Variants in TDRD9 observed in about 807,000 individuals in gnomAD.
The protein encoded by TDRD9 is ATP-dependent RNA helicase TDRD9.
In TDRD9, 124 loss-of-function variants were observed where a neutral mutation model predicts 172.6. The observed-to-expected ratio is 0.72, with a 90% confidence interval of 0.62 to 0.83. TDRD9 has a LOEUF of 0.83. Among genes scored for constraint, TDRD9 ranks in the 40% least tolerant of loss-of-function variants. The pLI is 0.00. For synonymous variants in TDRD9, 619 were observed against 617.1 expected (o/e 1.00, Z -0.05); for missense variants, 1,479 against 1,714.1 (o/e 0.86, Z 2.42).
intron 7 of TDRD9, 114 bp from the exon 8 acceptor site, chr14:103,986,103 T>C (rs1289981870): frequency 6.7e-6 from 5 of 750,118 alleles, no homozygotes; most frequent in East Asian, 2.7e-5. Context: ...AGAACTTTTA[T>C]TTAGAGAGTT....
intron 2 of TDRD9, among the ~76,000 whole-genome samples, chr14:103,959,532 A>G (rs530453804): frequency 3.3e-5 from 5 of 150,964 alleles, no homozygotes; most frequent in East Asian, 2.0e-4. Context: ...TTCTATGTCT[A>G]TTTCTATTAA....
intron 25 of TDRD9, 52 bp from the exon 26 acceptor site, chr14:104,025,512 C>A: frequency 6.7e-7 from 1 of 1,485,664 alleles, no homozygotes; most frequent in Non-Finnish European, 9.3e-7. Context: ...CATTTTCCTC[C>A]TTACAAAAGT....
intron 29 of TDRD9, 112 bp from the exon 30 acceptor site, chr14:104,031,905 T>G: frequency 8.4e-6 from 6 of 710,996 alleles, no homozygotes; most frequent in Non-Finnish European, 1.1e-5. Flanking sequence ...ACATTATGAA[T>G]GAGATGTCTT....
At chr14:103,938,430 ATATATATATATTTT>A (rs1566723254) in intron 1 of TDRD9, among the ~76,000 whole-genome samples, 11 of 39,906 alleles carry the variant, frequency 2.8e-4, no homozygotes, top group Middle Eastern at 0.01. Flanking sequence ...ATATATATAT[ATATATATATATTTT>A]TTTTTTTTTT....
intron 1 of TDRD9, among the ~76,000 whole-genome samples, chr14:103,930,089 G>A (rs1188289859): frequency 6.6e-6 from 1 of 152,170 alleles, no homozygotes; most frequent in Non-Finnish European, 1.5e-5. Flanking sequence ...AAAGGCCCTG[G>A]GAGAAGTACT....
At chr14:104,034,847 C>G in intron 31 of TDRD9, 113 bp from the exon 32 acceptor site, 1 of 734,814 alleles carries the variant, frequency 1.4e-6, no homozygotes, top group Non-Finnish European at 2.3e-6. Context: ...GGGGACTGGA[C>G]AGACTCAGCA....
At chr14:104,019,408 G>A (rs1293786657) in intron 23 of TDRD9, among the ~76,000 whole-genome samples, 1 of 152,012 alleles carries the variant, frequency 6.6e-6, no homozygotes, top group African/African-American at 2.4e-5. Context: ...CTGTCATCAG[G>A]CTGGAGTGCA....
At position 103,994,330 on chromosome 14, in the gene TDRD9, A is replaced by C; in HGVS notation, c.1181-2A>C. 1 of 1,612,954 alleles carries C rather than the reference A, an allele frequency of 6.2e-7. No individual in the cohort carries two copies. Among genetic ancestry groups the C allele is most frequent in the Non-Finnish European group, 8.5e-7 (1 of 1,179,282 alleles). On this transcript the variant is annotated splice_acceptor_variant, in intron 9 of 35. Transcript: ENST00000409874. LOFTEE classifies it high-confidence loss of function. ...TCCCTCCTCCACTTTTTTCTTCCCTAGGTCTGGGTGAAATAAATTATATGC... is the reference window on the plus strand; with the variant it reads ...TCCCTCCTCCACTTTTTTCTTCCCTCGGTCTGGGTGAAATAAATTATATGC...
chr14:104,007,630 C>A (rs1052995621), intron 19 of TDRD9, among the ~76,000 whole-genome samples: 1 of 141,668 alleles, frequency 7.1e-6, no homozygotes, highest in Admixed American at 7.1e-5. Flanking sequence ...TGTTACCCTC[C>A]ATTTTATTGT....
intron 23 of TDRD9, among the ~76,000 whole-genome samples, chr14:104,020,202 G>A (rs183186834): frequency 3.3e-5 from 5 of 152,264 alleles, no homozygotes; most frequent in African/African-American, 7.2e-5. Flanking sequence ...TGGTCTGTCC[G>A]GAACTGTGTT....
chr14:104,045,631 G>A (rs1245396346), intron 34 of TDRD9, among the ~76,000 whole-genome samples: 1 of 152,194 alleles, frequency 6.6e-6, no homozygotes, highest in African/African-American at 2.4e-5. Context: ...AATGTGATAT[G>A]TTTGAAACCT....
chr14:104,030,029 A>G (rs1183728199), intron 28 of TDRD9, among the ~76,000 whole-genome samples: 1 of 152,198 alleles, frequency 6.6e-6, no homozygotes, highest in Non-Finnish European at 1.5e-5. Flanking sequence ...GGGACAGTCT[A>G]GCAAAATGTT....
chr14:104,045,188 C>T (rs1006343651), intron 34 of TDRD9, among the ~76,000 whole-genome samples: 3 of 151,882 alleles, frequency 2.0e-5, no homozygotes, highest in Non-Finnish European at 2.9e-5. Context: ...TCCAAAATAG[C>T]TGTACAATGT....
intron 20 of TDRD9, among the ~76,000 whole-genome samples, chr14:104,009,579 C>CT (rs2152223218): frequency 6.6e-6 from 1 of 152,140 alleles, no homozygotes; most frequent in East Asian, 1.9e-4. Flanking sequence ...TTGGGCTACA[C>CT]TAAGTTCATA....
intron 28 of TDRD9, among the ~76,000 whole-genome samples, chr14:104,027,848 C>T (rs1407036900): frequency 1.3e-5 from 2 of 152,134 alleles, no homozygotes; most frequent in Admixed American, 1.3e-4. Flanking sequence ...CTCTATTCTC[C>T]CCTTCCTGTC....
In TDRD9 at chr14:104,018,148, T is replaced by TA. The variant is rs1446121873; in HGVS notation, c.2389dup (p.Arg797LysfsTer12). The TA allele has an allele frequency of 6.2e-7, 1 of 1,609,286 alleles. No homozygotes were observed. Among genetic ancestry groups the TA allele is most frequent in the Non-Finnish European group, 8.5e-7 (1 of 1,176,954 alleles). On this transcript the variant is annotated frameshift_variant, in exon 23 of 36. Coordinates refer to ENST00000409874, the MANE Select transcript of TDRD9 (RefSeq NM_153046.3). LOFTEE classifies it high-confidence loss of function. ...ACTATAAACAACTACAGTCTCTCTTTAGACAGTGTGGTCAAGTCAAATCCA... is the reference window on the plus strand; with the variant it reads ...ACTATAAACAACTACAGTCTCTCTTTAAGACAGTGTGGTCAAGTCAAATCCA...
At chr14:103,957,821 C>G (rs572956853) in intron 2 of TDRD9, among the ~76,000 whole-genome samples, 1 of 152,276 alleles carries the variant, frequency 6.6e-6, no homozygotes, top group African/African-American at 2.4e-5. Flanking sequence ...TGTAGCGTGC[C>G]GGATGGATTA....
At position 103,955,653 on chromosome 14, in the gene TDRD9, A is replaced by C; in HGVS notation, c.216-11A>C. The stretch of plus-strand genomic sequence containing the variant: ...TGGAAATAGTATACTAACTTTTACT[A>C]TTCTTTTCAGGTCACTCAGCCAAAG... On this transcript the variant is annotated splice_polypyrimidine_tract_variant and intron_variant, in intron 1 of 35. Transcript: ENST00000409874. 3.9e-6 allele frequency: 6 copies of C among 1,547,418 alleles called. No individual in the cohort carries two copies. The highest frequency in any genetic ancestry group is 5.2e-6 in the Non-Finnish European group (6 of 1,144,370).
At chr14:104,022,841 C>A (rs1020898417) in intron 24 of TDRD9, among the ~76,000 whole-genome samples, 1 of 152,078 alleles carries the variant, frequency 6.6e-6, no homozygotes, top group African/African-American at 2.4e-5. Context: ...TGCACTTGGG[C>A]ACATTACCTA....
Sources: gnomAD v4.1 joint callset for allele counts (sites outside exome capture counted in the v4.1 genomes callset) on GRCh38, gnomAD v4.1.1 for gene constraint, MANE v1.5 for transcripts, NCBI Gene and HGNC (gene_info 2026-07-23, HGNC 2026-07-21) for gene names.